MLST8: variants seen among roughly 807,000 people sequenced by gnomAD.
MLST8 encodes MTOR associated protein MLST8, also known as target of rapamycin complex subunit LST8.
A neutral mutation model predicts 41.3 loss-of-function variants in MLST8; 20 were observed. The ratio of observed to expected loss-of-function variants is 0.48; its 90% CI spans 0.34 to 0.70. The LOEUF is 0.70. Ranked by LOEUF, MLST8 falls within the 30% of genes least tolerant of loss-of-function variation. The pLI is 0.01. For synonymous variants in MLST8, 243 were observed against 183.0 expected (o/e 1.33, Z -2.65); for missense variants, 422 against 454.3 (o/e 0.93, Z 0.65).
rs142825627 is a variant in MLST8 at position 2,209,421 on chromosome 16, C to A, written c.*544C>A. On this transcript the variant is annotated 3_prime_UTR_variant, in exon 9 of 9. Coordinates refer to ENST00000569417, the MANE Select transcript of MLST8 (RefSeq NM_022372.6). ...CAGATGTTGCTCGGGAAGCAGATGTCGATGCAGAGATAAATCAGCCGCTGT... is the reference window on the plus strand; with the variant it reads ...CAGATGTTGCTCGGGAAGCAGATGTAGATGCAGAGATAAATCAGCCGCTGT... 3 of 1,613,698 alleles carry A rather than the reference C, an allele frequency of 1.9e-6. No individual in the cohort carries two copies. The highest frequency in any genetic ancestry group is 2.5e-6 in the Non-Finnish European group (3 of 1,180,002).
At position 2,208,278 on chromosome 16, in the gene MLST8, T is replaced by C. The variant is rs2141379203; in HGVS notation, c.642T>C (p.Thr214=). 3 of 1,613,576 alleles carry C rather than the reference T, an allele frequency of 1.9e-6. No individual in the cohort carries two copies. The highest frequency in any genetic ancestry group is 2.2e-5 in the East Asian group (1 of 44,862). ...AGGTGACCCAGCTCATCCCCAAGAC[T>C]AAGATCCCTGCCCACACGCGCTACG... ...GDEVTQLIPK[T]KIPAHTRYAL... is the part of the protein sequence containing the mutation. The change falls in exon 7 of 9, where the codon ACT becomes ACC. Residue 214 remains threonine (T), a synonymous_variant. Transcript: ENST00000569417.
intron 6 of MLST8, chr16:2,207,589 C>T (rs979440485): frequency 2.2e-5 from 12 of 551,558 alleles, no homozygotes; most frequent in Admixed American, 6.5e-5. Context: ...TCCCTCTTTT[C>T]ACTCTGTTGC....
rs1567283657 is a variant in MLST8, at chr16:2,209,355, CG to C, written c.*483del. 6.2e-7 allele frequency: 1 copy of C among 1,607,980 alleles called. No individual in the cohort carries two copies. The highest frequency in any genetic ancestry group is 8.5e-7 in the Non-Finnish European group (1 of 1,175,762). Reference sequence around the variant, plus strand: ...GGGGACGGGCCAGGCTGGGCCAGGTCGGGGGCTCAGTCTGGGAGGTAATAAA... The same window carrying C: ...GGGGACGGGCCAGGCTGGGCCAGGTCGGGGCTCAGTCTGGGAGGTAATAAA... On this transcript the variant is annotated 3_prime_UTR_variant, in exon 9 of 9. Transcript: ENST00000569417.
At position 2,209,429 on chromosome 16, in the gene MLST8, A is replaced by G; in HGVS notation, c.*552A>G. The G allele has an allele frequency of 1.2e-6, 2 of 1,613,756 alleles. No homozygotes were observed. The highest frequency in any genetic ancestry group is 1.7e-6 in the Non-Finnish European group (2 of 1,179,982). On this transcript the variant is annotated 3_prime_UTR_variant, in exon 9 of 9. Transcript: ENST00000569417. Reference sequence around the variant, plus strand: ...GCTCGGGAAGCAGATGTCGATGCAGAGATAAATCAGCCGCTGTCTCCGGGG... The same window carrying G: ...GCTCGGGAAGCAGATGTCGATGCAGGGATAAATCAGCCGCTGTCTCCGGGG...
rs768530695 is a variant in MLST8, at chr16:2,209,427, A to G, written c.*550A>G. The G allele has an allele frequency of 6.2e-6, 10 of 1,613,700 alleles. No individual in the cohort carries two copies. Among genetic ancestry groups the G allele is most frequent in the South Asian group, 2.2e-5 (2 of 91,094 alleles). On this transcript the variant is annotated 3_prime_UTR_variant, in exon 9 of 9. Coordinates refer to ENST00000569417, the MANE Select transcript of MLST8 (RefSeq NM_022372.6). ...TTGCTCGGGAAGCAGATGTCGATGC[A>G]GAGATAAATCAGCCGCTGTCTCCGG...
intron 5 of MLST8, 40 bp from the exon 6 acceptor site, chr16:2,207,153 G>T: frequency 6.2e-7 from 1 of 1,613,268 alleles, no homozygotes; most frequent in Non-Finnish European, 8.5e-7. Flanking sequence ...GACTTTGGAG[G>T]GCTGGGCTTG....
At position 2,208,699 on chromosome 16, in the gene MLST8, C is replaced by T. The variant is rs755375586; in HGVS notation, c.863-60C>T. 6.2e-6 allele frequency: 10 copies of T among 1,613,232 alleles called. No homozygotes were observed. The East Asian group carries it at 1.3e-4, about 22-fold the overall frequency. On this transcript the variant is annotated intron_variant, in intron 8 of 8. Transcript: ENST00000569417. ...CACCTCGGCTGCAGCTTCCCCTCTG[C>T]TGGGGCCGCCTGCTTGGCCTGCACC...
In MLST8 at chr16:2,206,141, G is replaced by T; in HGVS notation, c.56G>T (p.Gly19Val). ...GACCCGGTCATCCTGGCCACTGCAG[G>T]CTACGACCACACCGTGCGCTTCTGG... The part of the protein sequence containing the change: ...GSDPVILATA[G>V]YDHTVRFWQA... The change falls in exon 2 of 9, where the codon GGC (glycine) becomes GTC (valine). Residue 19 changes from glycine (G) to valine (V), a missense_variant. Physicochemically the swap from Gly to Val is moderately radical, Grantham distance 109. Coordinates refer to ENST00000569417, the MANE Select transcript of MLST8 (RefSeq NM_022372.6). 1 of 1,612,020 alleles carries T rather than the reference G, an allele frequency of 6.2e-7. No individual in the cohort carries two copies. Among genetic ancestry groups the T allele is most frequent in the Non-Finnish European group, 8.5e-7 (1 of 1,179,422 alleles).
chr16:2,206,863 C>T, intron 4 of MLST8, 172 bp from the exon 5 acceptor site: 1 of 1,054,350 alleles, frequency 9.5e-7, no homozygotes, highest in East Asian at 2.5e-5. Context: ...TATTCCCCTT[C>T]CACCAGCCAC....
intron 4 of MLST8, 34 bp downstream of exon 4, chr16:2,206,693 G>T: frequency 6.2e-7 from 1 of 1,604,804 alleles, no homozygotes; most frequent in East Asian, 2.2e-5. Context: ...GCCCGGGGCT[G>T]GGGTGGGCTG....
intron 2 of MLST8, 60 bp from the exon 3 acceptor site, chr16:2,206,298 G>C: frequency 6.2e-7 from 1 of 1,608,920 alleles, no homozygotes; most frequent in Non-Finnish European, 8.5e-7. Context: ...CCAGATGGTG[G>C]AGGCCTGGGG....
chr16:2,207,954 C>T (rs1159151251), intron 6 of MLST8: 4 of 402,352 alleles, frequency 9.9e-6, no homozygotes, highest in Non-Finnish European at 4.5e-6. Flanking sequence ...CTTCCGTTGG[C>T]CATCGGCATC....
At chr16:2,207,787 G>C (rs2093324171) in intron 6 of MLST8, 1 of 232,144 alleles carries the variant, frequency 4.3e-6, no homozygotes, top group Non-Finnish European at 8.4e-6. Flanking sequence ...CTCGCCCGTA[G>C]GCTGCTGTGG....
At chr16:2,205,942 T>A in intron 1 of MLST8, 89 bp from the exon 2 acceptor site, 1 of 1,448,220 alleles carries the variant, frequency 6.9e-7, no homozygotes, top group East Asian at 2.4e-5. Context: ...AAAATGGGAA[T>A]GATAAGCGCC....
chr16:2,206,029 A>G lies in MLST8; in HGVS notation c.-55-2A>G, dbSNP rs767793629. ...CTAAGTACTTCACATCCTTCTCTGCAGATGCTCTGACCTTTGACCCCTGCC... is the reference window on the plus strand; with the variant it reads ...CTAAGTACTTCACATCCTTCTCTGCGGATGCTCTGACCTTTGACCCCTGCC... On this transcript the variant is annotated splice_acceptor_variant, in intron 1 of 8. Transcript: ENST00000569417. LOFTEE classifies it low-confidence loss of function (5UTR_SPLICE). The G allele has an allele frequency of 7.9e-6, 12 of 1,519,512 alleles. No individual in the cohort carries two copies. Among genetic ancestry groups the G allele is most frequent in the South Asian group, 3.8e-5 (3 of 79,914 alleles). 94.1% of individuals were successfully genotyped at this position (1,519,512 alleles called of 1,614,324 possible).
At position 2,208,269 on chromosome 16, in the gene MLST8, C is replaced by T. The variant is rs1567279177; in HGVS notation, c.633C>T (p.Ile211=). 1.9e-6 allele frequency: 3 copies of T among 1,613,608 alleles called. No homozygotes were observed. Among genetic ancestry groups the T allele is most frequent in the Admixed American group, 1.7e-5 (1 of 60,008 alleles). The change falls in exon 7 of 9, where the codon ATC becomes ATT. Residue 211 remains isoleucine (I), a synonymous_variant. Transcript: ENST00000569417. ...TTGGTGACGAGGTGACCCAGCTCAT[C>T]CCCAAGACTAAGATCCCTGCCCACA... ...GGIGDEVTQL[I]PKTKIPAHTR...
At chr16:2,206,438 C>G (rs1269853564) in intron 3 of MLST8, 29 bp downstream of exon 3, 2 of 1,614,066 alleles carry the variant, frequency 1.2e-6, no homozygotes, top group East Asian at 2.2e-5. Context: ...CTCTAAACTC[C>G]TGAGCTCTGG....
chr16:2,208,869 C>G lies in MLST8; in HGVS notation c.973C>G (p.Leu325Val). Residue 325 changes from leucine to valine, a missense_variant, in exon 9 of 9, where the codon CTG (leucine) becomes GTG (valine). Leu to Val is a conservative substitution (Grantham distance 32). Coordinates refer to ENST00000569417, the MANE Select transcript of MLST8 (RefSeq NM_022372.6). Reference sequence around the variant, plus strand: ...CTGCCTGGCCTTCAATGACAGTGTGCTGGGCTAGCCTGTGACCCCTCGGGA... The same window carrying G: ...CTGCCTGGCCTTCAATGACAGTGTGGTGGGCTAGCCTGTGACCCCTCGGGA... The part of the protein sequence containing the change: ...VVCLAFNDSV[L>V]G 6.2e-7 allele frequency: 1 copy of G among 1,613,320 alleles called. No homozygotes were observed. The highest frequency in any genetic ancestry group is 1.1e-5 in the South Asian group (1 of 91,082).
At position 2,206,373 on chromosome 16, in the gene MLST8, G is replaced by A; in HGVS notation, c.145G>A (p.Glu49Lys). 1 of 1,614,078 alleles carries A rather than the reference G, an allele frequency of 6.2e-7. No homozygotes were observed. Among genetic ancestry groups the A allele is most frequent in the Non-Finnish European group, 8.5e-7 (1 of 1,180,020 alleles). ...ACAGTCCCAGCAGGTGAATGCCTTG[G>A]AGGTCACACCGGACCGCAGCATGAT... ...QHQDSQVNAL[E>K]VTPDRSMIAA... The change falls in exon 3 of 9, where the codon GAG becomes AAG. Residue 49 changes from glutamate (E) to lysine (K), a missense_variant. Transcript: ENST00000569417.
Sources: allele counts gnomAD v4.1 joint callset, GRCh38; gene constraint gnomAD v4.1.1; transcripts MANE v1.5; gene names NCBI Gene and HGNC (gene_info 2026-07-23, HGNC 2026-07-21).